Variants in SGCD observed in about 807,000 individuals in gnomAD.
SGCD encodes sarcoglycan delta.
A neutral mutation model predicts 36.6 loss-of-function variants in SGCD; 18 were observed. The observed-to-expected ratio is 0.49, with a 90% confidence interval of 0.34 to 0.73. The LOEUF is 0.73. Among genes scored for constraint, SGCD ranks in the 30% least tolerant of loss-of-function variants. SGCD has a pLI of 0.01. For missense variants in SGCD, 387 were observed against 346.7 expected (o/e 1.12, Z -0.92); for synonymous variants, 133 against 130.6 (o/e 1.02, Z -0.12).
chr5:156,208,677 A>G (rs1764355179), intron 3 of SGCD, among the ~76,000 whole-genome samples: 1 of 152,164 alleles, frequency 6.6e-6, no homozygotes, highest in Admixed American at 6.5e-5. Context: ...TATGATACTT[A>G]TTGTGTTTGG....
chr5:155,848,799 A>G, the SGCD span, among the ~76,000 whole-genome samples: 1 of 152,286 alleles, frequency 6.6e-6, no homozygotes, highest in South Asian at 2.1e-4. Flanking sequence ...GATGCTTGTT[A>G]CATTCAAAAC....
chr5:156,670,025 C>A (rs529500810), intron 7 of SGCD, among the ~76,000 whole-genome samples: 1 of 152,180 alleles, frequency 6.6e-6, no homozygotes, highest in Admixed American at 6.5e-5. Context: ...ACGACCAGCC[C>A]GTTTTCACCT....
chr5:156,180,499 A>G (rs953605730), intron 3 of SGCD, among the ~76,000 whole-genome samples: 22 of 152,344 alleles, frequency 1.4e-4, no homozygotes, highest in African/African-American at 4.6e-4. Flanking sequence ...TAATTTTAAT[A>G]AAAAATCAAT....
intron 3 of SGCD, among the ~76,000 whole-genome samples, chr5:156,383,077 A>G (rs555536112): frequency 6.6e-6 from 1 of 152,336 alleles, no homozygotes; most frequent in South Asian, 2.1e-4. Flanking sequence ...AAGGACTGAT[A>G]TTATAGCAAA....
chr5:155,902,493 T>C (rs1417485603), intron 1 of SGCD, among the ~76,000 whole-genome samples: 2 of 148,738 alleles, frequency 1.3e-5, no homozygotes, highest in Non-Finnish European at 2.9e-5. Context: ...GGTTCGTTAC[T>C]TTTTTTTATC....
intron 1 of SGCD, among the ~76,000 whole-genome samples, chr5:155,959,241 T>TCTTC (rs1757736551): frequency 6.6e-6 from 1 of 152,136 alleles, no homozygotes; most frequent in Non-Finnish European, 1.5e-5. Context: ...TCTTCCTATA[T>TCTTC]CTTCATTCAT....
intron 1 of SGCD, among the ~76,000 whole-genome samples, chr5:155,996,505 C>T (rs529578911): frequency 5.3e-5 from 8 of 152,102 alleles, no homozygotes; most frequent in Non-Finnish European, 8.8e-5. Context: ...GGGCCGGGCG[C>T]GGTGGCTCAC....
chr5:156,186,095 C>T (rs969728542), intron 3 of SGCD, among the ~76,000 whole-genome samples: 3 of 150,932 alleles, frequency 2.0e-5, no homozygotes, highest in African/African-American at 7.3e-5. Context: ...AAAAAAAATA[C>T]CTATTTCCAA....
chr5:156,431,259 G>A (rs771588358), intron 3 of SGCD, among the ~76,000 whole-genome samples: 4 of 152,168 alleles, frequency 2.6e-5, no homozygotes, highest in Non-Finnish European at 5.9e-5. Flanking sequence ...GGGAGGGGTT[G>A]TGACTCTGCT....
intron 1 of SGCD, among the ~76,000 whole-genome samples, chr5:156,024,842 C>T (rs965288296): frequency 6.6e-6 from 1 of 151,528 alleles, no homozygotes; most frequent in African/African-American, 2.4e-5. Flanking sequence ...CCTGTAGTCT[C>T]AGCTACTCGG....
intron 4 of SGCD, among the ~76,000 whole-genome samples, chr5:156,542,367 C>T (rs1171443540): frequency 6.6e-6 from 1 of 152,096 alleles, no homozygotes; most frequent in Non-Finnish European, 1.5e-5. Flanking sequence ...ACTGTTGTGC[C>T]CTTCAAGGTA....
intron 1 of SGCD, among the ~76,000 whole-genome samples, chr5:155,996,941 ACAGATAG>A: frequency 1.3e-5 from 2 of 151,720 alleles, no homozygotes; most frequent in African/African-American, 4.9e-5. Context: ...AGACAGACAG[ACAGATAG>A]ATAGATACCT....
In SGCD at chr5:156,733,163, A is replaced by C. The variant is rs977873637; in HGVS notation, c.576-24418A>C. Among the ~76,000 whole-genome samples, 5 of 151,790 alleles carry C rather than the reference A, an allele frequency of 3.3e-5. No individual in the cohort carries two copies. In the East Asian group the frequency reaches 9.7e-4, roughly 29 times the overall value. ...TTTGGTGTTGGATTGTTAACTAGAG[A>C]GCTTTCTAACTTGTCCATGTGAGCA... On this transcript the variant is annotated intron_variant, in intron 7 of 8. Transcript: ENST00000337851.
the SGCD span, among the ~76,000 whole-genome samples, chr5:155,772,901 G>T: frequency 3.3e-5 from 5 of 151,872 alleles, no homozygotes; most frequent in African/African-American, 9.7e-5. Flanking sequence ...ATTTTACTAC[G>T]TAAATCAAGT....
At chr5:156,523,250 T>C (rs1757487135) in intron 4 of SGCD, among the ~76,000 whole-genome samples, 1 of 152,174 alleles carries the variant, frequency 6.6e-6, no homozygotes, top group Non-Finnish European at 1.5e-5. Context: ...AATTTTTTAA[T>C]GATATGTTTA....
At chr5:156,194,876 G>T (rs1374326531) in intron 3 of SGCD, among the ~76,000 whole-genome samples, 1 of 151,920 alleles carries the variant, frequency 6.6e-6, no homozygotes, top group Non-Finnish European at 1.5e-5. Context: ...ATAGGATTAT[G>T]GTGAACAATA....
chr5:156,124,862 A>G (rs1428123476), intron 3 of SGCD, among the ~76,000 whole-genome samples: 2 of 152,126 alleles, frequency 1.3e-5, no homozygotes, highest in African/African-American at 4.8e-5. Flanking sequence ...AAAAAATACT[A>G]TAAGCACAAC....
intron 6 of SGCD, among the ~76,000 whole-genome samples, chr5:156,625,851 C>G (rs1762420162): frequency 6.6e-6 from 1 of 152,162 alleles, no homozygotes; most frequent in Admixed American, 6.5e-5. Context: ...ACTCCTGTTT[C>G]ATGTGGAGCC....
chr5:155,728,180 C>G, the SGCD span, among the ~76,000 whole-genome samples: 5 of 152,174 alleles, frequency 3.3e-5, no homozygotes, highest in African/African-American at 7.2e-5. Flanking sequence ...CCGCCGCCCC[C>G]ACCCGCGGCT....
Sources: allele counts gnomAD v4.1 joint callset (sites outside exome capture counted in the v4.1 genomes callset), GRCh38; gene constraint gnomAD v4.1.1; transcripts MANE v1.5; gene names NCBI Gene and HGNC (gene_info 2026-07-23, HGNC 2026-07-21).